Variants in ATG4A observed in about 807,000 individuals in gnomAD.
ATG4A encodes cysteine protease ATG4A.
In ATG4A, 22 loss-of-function variants were observed where a neutral mutation model predicts 38.4. The observed-to-expected ratio is 0.57, with a 90% CI of 0.41 to 0.82. The LOEUF is 0.82. Among genes scored for constraint, ATG4A ranks in the 40% least tolerant of loss-of-function variants. The pLI, the probability that ATG4A is intolerant of heterozygous loss-of-function variation, is 0.00. For missense variants in ATG4A, 220 were observed against 290.0 expected, an observed-to-expected ratio of 0.76 and a Z score of 1.75; for synonymous variants, 86 against 100.7, an observed-to-expected ratio of 0.85 and a Z score of 0.88.
At chrX:108,152,744 A>T (rs967381643) in intron 11 of ATG4A, among the ~76,000 whole-genome samples, 1 of 111,562 alleles carries the variant, frequency 9.0e-6, no homozygotes, top group African/African-American at 3.3e-5. Context: ...ATAGGCAGTG[A>T]GTGCTGGCCT....
chrX:108,093,004 A>G (rs763724325), intron 1 of ATG4A, among the ~76,000 whole-genome samples: 12 of 111,709 alleles, frequency 1.1e-4, no homozygotes, highest in Non-Finnish European at 2.3e-4. Context: ...ATAGTTGTAG[A>G]TTTATAGAAA....
rs773698901 is a variant in ATG4A at position 108,136,028 on chromosome X, C to T, written c.468-1063C>T. On this transcript the variant is annotated intron_variant, in intron 6 of 12. Transcript: ENST00000372232. ...CGAACTTCTGACCTCGTGATCCACC[C>T]GTCTCAACCTCCCAAAGTGCTGGGA... Among the ~76,000 whole-genome samples the T allele has an allele frequency of 3.4e-4, 38 of 111,039 alleles. No homozygotes were observed. In the East Asian group the frequency reaches 8.5e-3, roughly 25 times the overall value.
At chrX:108,141,058 GTGTATATATATACATA>G (rs1489911322) in intron 9 of ATG4A, among the ~76,000 whole-genome samples, 1,772 of 30,530 alleles carry the variant, frequency 0.058, 81 homozygotes, top group African/African-American at 0.12. Context: ...ACATATATAC[GTGTATATATATACATA>G]TATATATATA....
intron 9 of ATG4A, among the ~76,000 whole-genome samples, chrX:108,138,791 A>G (rs778805118): frequency 8.9e-6 from 1 of 111,944 alleles, no homozygotes; most frequent in African/African-American, 3.2e-5. Flanking sequence ...AAGCTAGCCT[A>G]GTGCTTCTGA....
chrX:108,101,040 G>T (rs2031992689), intron 1 of ATG4A, among the ~76,000 whole-genome samples: 1 of 108,281 alleles, frequency 9.2e-6, no homozygotes, highest in Non-Finnish European at 1.9e-5. Context: ...TTTCAATGAA[G>T]AATTTTTTTT....
chrX:108,115,289 G>A (rs1180414211), intron 1 of ATG4A, among the ~76,000 whole-genome samples: 1 of 110,540 alleles, frequency 9.0e-6, no homozygotes, highest in African/African-American at 3.3e-5. Flanking sequence ...CTTTAATTAA[G>A]GTATTCTTAC....
At chrX:108,123,121 C>G (rs1210353747) in intron 1 of ATG4A, among the ~76,000 whole-genome samples, 2 of 111,817 alleles carry the variant, frequency 1.8e-5, no homozygotes, top group African/African-American at 6.5e-5. Flanking sequence ...GAGCTGGCCA[C>G]TAAACTAACC....
intron 9 of ATG4A, among the ~76,000 whole-genome samples, chrX:108,140,933 T>TAC (rs2033232382): frequency 3.0e-5 from 2 of 65,900 alleles, no homozygotes; most frequent in South Asian, 6.0e-4. Context: ...TATACATATA[T>TAC]ATACATATAT....
intron 1 of ATG4A, among the ~76,000 whole-genome samples, chrX:108,117,967 G>A (rs1404200464): frequency 8.9e-6 from 1 of 112,269 alleles, no homozygotes; most frequent in African/African-American, 3.2e-5. Flanking sequence ...AGACAGAAGT[G>A]CCTCATAATA....
intron 1 of ATG4A, among the ~76,000 whole-genome samples, chrX:108,120,891 T>C (rs758412073): frequency 8.0e-5 from 9 of 112,354 alleles, no homozygotes; most frequent in Non-Finnish European, 1.7e-4. Context: ...GATTCTCTAA[T>C]GTAAGTTTGA....
intron 1 of ATG4A, among the ~76,000 whole-genome samples, chrX:108,113,003 G>A (rs768341123): frequency 2.9e-4 from 32 of 110,934 alleles, no homozygotes; most frequent in African/African-American, 3.3e-4. Flanking sequence ...TAGGCTTGTA[G>A]TCGATCAAGG....
chrX:108,106,751 T>G lies in ATG4A; in HGVS notation c.10+14915T>G, dbSNP rs764898947. 2.7e-5 allele frequency among the ~76,000 whole-genome samples: 3 copies of G among 112,452 alleles called. No homozygotes were observed. The Admixed American group carries it at 2.8e-4, about 11-fold the overall frequency. On this transcript the variant is annotated intron_variant, in intron 1 of 12. Coordinates refer to ENST00000372232, the MANE Select transcript of ATG4A (RefSeq NM_052936.5). ...CCATGGTTCCTCTTAATAAATCTAC[T>G]CTCATTAAAAGTGTTTTTCTTCTAT...
chrX:108,104,231 A>G (rs1360959628), intron 1 of ATG4A, among the ~76,000 whole-genome samples: 1 of 112,192 alleles, frequency 8.9e-6, no homozygotes, highest in Admixed American at 9.4e-5. Flanking sequence ...TTTTCTACAT[A>G]TTTACCTTTA....
chrX:108,143,737 C>G (rs1256372481), intron 9 of ATG4A: 2 of 234,864 alleles, frequency 8.5e-6, no homozygotes, highest in Non-Finnish European at 1.6e-5. Context: ...GTCGGGGGAA[C>G]AGGAAGCAAA....
chrX:108,131,284 C>T lies in ATG4A; in HGVS notation c.218C>T (p.Ala73Val), dbSNP rs2032945946. 3.3e-6 allele frequency: 4 copies of T among 1,211,496 alleles called. No homozygotes were observed. The African/African-American group carries it at 5.2e-5, about 16-fold the overall frequency. ...GGTGGAACGGGCCCTTCATCAGATG[C>T]TGGTTGGGGATGTATGCTACGCTGT... ...PIGGTGPSSD[A>V]GWGCMLRCGQ... The change falls in exon 4 of 13, where the codon GCT (alanine) becomes GTT (valine). Residue 73 changes from alanine to valine, a missense_variant. Transcript: ENST00000372232.
intron 1 of ATG4A, among the ~76,000 whole-genome samples, chrX:108,121,838 A>G (rs2032659557): frequency 8.9e-6 from 1 of 112,063 alleles, no homozygotes. Context: ...AACACATAGT[A>G]GGTATACTCT....
At chrX:108,100,582 C>T (rs182546430) in intron 1 of ATG4A, among the ~76,000 whole-genome samples, 39 of 110,933 alleles carry the variant, frequency 3.5e-4, no homozygotes, top group African/African-American at 1.1e-3. Context: ...TTAGATCGTT[C>T]CCTCTTGATT....
Position 108,150,270 on chromosome X carries a change from C to A in ATG4A, c.933C>A (p.Ile311=), listed in dbSNP as rs768414184. Residue 311 remains isoleucine (I), a synonymous_variant, in exon 10 of 13, where the codon ATC becomes ATA. Coordinates refer to ENST00000372232, the MANE Select transcript of ATG4A (RefSeq NM_052936.5). ...HCLQSPQRMN[I]LNLDPSVALG... ...TGCAGTCCCCACAGCGAATGAACAT[C>A]CTAAACCTGGATCCTTCAGTTGCAT... 2.5e-6 allele frequency: 3 copies of A among 1,210,664 alleles called. No homozygotes were observed. Among genetic ancestry groups the A allele is most frequent in the African/African-American group, 3.5e-5 (2 of 57,312 alleles).
intron 9 of ATG4A, among the ~76,000 whole-genome samples, chrX:108,140,955 T>TACATATATAC (rs1443422980): frequency 2.2e-5 from 2 of 91,436 alleles, no homozygotes; most frequent in Admixed American, 1.3e-4. Flanking sequence ...TACACATATA[T>TACATATATAC]ACATATATAC....
Sources: gnomAD v4.1 joint callset for allele counts (sites outside exome capture counted in the v4.1 genomes callset) on GRCh38, gnomAD v4.1.1 for gene constraint, MANE v1.5 for transcripts, NCBI Gene and HGNC (gene_info 2026-07-23, HGNC 2026-07-21) for gene names.